Variants in WBP1L observed in about 807,000 individuals in gnomAD.
The protein encoded by WBP1L is WW domain binding protein 1 like, also known as WW domain binding protein 1-like.
WBP1L carries 17 observed loss-of-function variants against 33.7 expected under a neutral mutation model. That is an observed-to-expected ratio of 0.50 (90% CI 0.34 to 0.76). The LOEUF (loss-of-function observed/expected upper bound fraction) is 0.76, where lower values mean the gene tolerates loss of function less well. Ranked by LOEUF, WBP1L falls within the 30% of genes least tolerant of loss-of-function variation. WBP1L has a pLI of 0.01. For missense variants in WBP1L, 389 were observed against 469.4 expected (o/e 0.83, Z 1.58); for synonymous variants, 173 against 190.8 (o/e 0.91, Z 0.77).
At chr10:102,803,748 A>G (rs565981007) in intron 2 of WBP1L, among the ~76,000 whole-genome samples, 11 of 152,002 alleles carry the variant, frequency 7.2e-5, no homozygotes, top group African/African-American at 2.4e-4. Flanking sequence ...GGCTGGGACT[A>G]TAGGTGCCTG....
In WBP1L at chr10:102,797,988, T is replaced by C; in HGVS notation, c.91-5T>C. Reference sequence around the variant, plus strand: ...ATATGCTAACATGCTTTTTTAATTTTTTAGGATAAGGAAGCCTGTGTGGGT... The same window carrying C: ...ATATGCTAACATGCTTTTTTAATTTCTTAGGATAAGGAAGCCTGTGTGGGT... On this transcript the variant is annotated splice_region_variant and splice_polypyrimidine_tract_variant and intron_variant, in intron 1 of 3. Transcript: ENST00000448841. 1 of 1,613,266 alleles carries C rather than the reference T, an allele frequency of 6.2e-7. No homozygotes were observed.
chr10:102,792,064 A>G (rs569277953), intron 1 of WBP1L, among the ~76,000 whole-genome samples: 1 of 152,216 alleles, frequency 6.6e-6, no homozygotes, highest in South Asian at 2.1e-4. Flanking sequence ...AATTTTTTGC[A>G]TATGTGCAAA....
chr10:102,780,272 C>T (rs1752371861), intron 1 of WBP1L, among the ~76,000 whole-genome samples: 2 of 152,162 alleles, frequency 1.3e-5, no homozygotes, highest in Non-Finnish European at 2.9e-5. Context: ...AAGATAGTCA[C>T]CTGGTGAACT....
At position 102,812,929 on chromosome 10, in the gene WBP1L, G is replaced by A; in HGVS notation, c.690G>A (p.Gly230=). Residue 230 remains glycine, a synonymous_variant, in exon 4 of 4, where the codon GGG becomes GGA. Transcript: ENST00000448841. ...SVAGLGELDP[G]AFLDKDAECR... ...CTGGCCTGGGGGAGCTGGACCCGGGGGCCTTCCTGGACAAAGATGCAGAAT... is the reference window on the plus strand; with the variant it reads ...CTGGCCTGGGGGAGCTGGACCCGGGAGCCTTCCTGGACAAAGATGCAGAAT... 6.3e-7 allele frequency: 1 copy of A among 1,593,474 alleles called. No individual in the cohort carries two copies. Among genetic ancestry groups the A allele is most frequent in the South Asian group, 1.1e-5 (1 of 88,796 alleles).
intron 1 of WBP1L, chr10:102,776,136 C>T (rs576612413): frequency 3.2e-5 from 44 of 1,377,034 alleles, no homozygotes; most frequent in Middle Eastern, 2.8e-4. Context: ...CAGACAGCTT[C>T]GGCTTTGCTG....
At chr10:102,799,377 G>GCCATC (rs1843619503) in intron 2 of WBP1L, among the ~76,000 whole-genome samples, 1 of 152,026 alleles carries the variant, frequency 6.6e-6, no homozygotes, top group African/African-American at 2.4e-5. Context: ...CTTGCCACTG[G>GCCATC]TTTGACTGAA....
chr10:102,796,309 T>G (rs1376486639), intron 1 of WBP1L, among the ~76,000 whole-genome samples: 1 of 152,156 alleles, frequency 6.6e-6, no homozygotes, highest in East Asian at 1.9e-4. Flanking sequence ...CATATCAGAA[T>G]GTAAAGTTTT....
chr10:102,760,344 C>G (rs1322963928), intron 1 of WBP1L, among the ~76,000 whole-genome samples: 2 of 150,704 alleles, frequency 1.3e-5, no homozygotes, highest in Non-Finnish European at 2.9e-5. Flanking sequence ...CCTCTCTGAG[C>G]CTTCCTTGTT....
At chr10:102,798,130 G>A (rs1445746971) in intron 2 of WBP1L, 35 bp downstream of exon 2, 7 of 1,582,956 alleles carry the variant, frequency 4.4e-6, no homozygotes, top group Middle Eastern at 3.3e-4. Flanking sequence ...CAGTATCCCA[G>A]GGTCCCAGTT....
intron 1 of WBP1L, among the ~76,000 whole-genome samples, chr10:102,760,610 A>G (rs1179399153): frequency 6.6e-6 from 1 of 151,942 alleles, no homozygotes; most frequent in East Asian, 1.9e-4. Context: ...TCCTGAGCTC[A>G]GGTGATCGCC....
chr10:102,786,222 T>C (rs752162244), intron 1 of WBP1L, among the ~76,000 whole-genome samples: 16 of 152,226 alleles, frequency 1.1e-4, no homozygotes, highest in Non-Finnish European at 2.1e-4. Flanking sequence ...GTGTATGATC[T>C]ATTATATGTT....
chr10:102,750,261 A>G (rs888582528), intron 1 of WBP1L, among the ~76,000 whole-genome samples: 15 of 151,012 alleles, frequency 9.9e-5, no homozygotes, highest in African/African-American at 2.7e-4. Context: ...TAGAAAAATT[A>G]GCGTGCACCT....
At chr10:102,811,922 A>C (rs1843847449) in intron 3 of WBP1L, among the ~76,000 whole-genome samples, 1 of 152,258 alleles carries the variant, frequency 6.6e-6, no homozygotes, top group African/African-American at 2.4e-5. Flanking sequence ...TATCTGTGTC[A>C]TAAGGCATTC....
Position 102,744,059 on chromosome 10 carries a change from G to A in WBP1L, c.6G>A (p.Glu2=). The change falls in exon 1 of 4, where the codon GAG becomes GAA. Residue 2 remains glutamate (E), a synonymous_variant. Coordinates refer to ENST00000448841, the MANE Select transcript of WBP1L (RefSeq NM_001083913.2). M[E]RRRLLGGMAL... ...GGAGCAGGAGCAGGAGGGGGATGGA[G>A]AGGAGAAGGCTCCTGGGTGGCATGG... 1.9e-6 allele frequency: 3 copies of A among 1,551,404 alleles called. No individual in the cohort carries two copies. The highest frequency in any genetic ancestry group is 2.4e-5 in the East Asian group (1 of 40,888).
In WBP1L at chr10:102,810,069, G is replaced by C; in HGVS notation, c.355+15G>C. ...ATTTTATTTCAGTACGTACACCCAA[G>C]CCCCCATACCCACCCTCAGGAGCTC... is the stretch of plus-strand genomic sequence containing the variant. On this transcript the variant is annotated intron_variant, in intron 3 of 3. Coordinates refer to ENST00000448841, the MANE Select transcript of WBP1L (RefSeq NM_001083913.2). The C allele has an allele frequency of 6.3e-7, 1 of 1,598,272 alleles. No individual in the cohort carries two copies. The highest frequency in any genetic ancestry group is 8.5e-7 in the Non-Finnish European group (1 of 1,172,492).
At chr10:102,800,969 A>G (rs1316560191) in intron 2 of WBP1L, among the ~76,000 whole-genome samples, 2 of 152,174 alleles carry the variant, frequency 1.3e-5, no homozygotes, top group Admixed American at 6.5e-5. Context: ...GGCCTCCGGG[A>G]AAAAATGCCA....
chr10:102,812,631 A>T lies in WBP1L; in HGVS notation c.392A>T (p.Glu131Val). ...LPNYLLPPYE[E>V]VVNRPPTPPP... ...AACTATTTACTACCTCCTTATGAGG[A>T]AGTGGTGAACCGACCTCCAACTCCT... The change falls in exon 4 of 4, where the codon GAA becomes GTA. Residue 131 changes from glutamate to valine, a missense_variant. Coordinates refer to ENST00000448841, the MANE Select transcript of WBP1L (RefSeq NM_001083913.2). 6.3e-7 allele frequency: 1 copy of T among 1,598,456 alleles called. No homozygotes were observed. Among genetic ancestry groups the T allele is most frequent in the South Asian group, 1.1e-5 (1 of 89,168 alleles).
At chr10:102,777,943 T>A (rs1374837760) in intron 1 of WBP1L, among the ~76,000 whole-genome samples, 2 of 152,176 alleles carry the variant, frequency 1.3e-5, no homozygotes, top group Non-Finnish European at 2.9e-5. Context: ...AGGATGAAGC[T>A]GGATGAAGCG....
chr10:102,812,606 A>C lies in WBP1L; in HGVS notation c.367A>C (p.Asn123His), dbSNP rs770001345. The change falls in exon 4 of 4, where the codon AAC (asparagine) becomes CAC (histidine). Residue 123 changes from asparagine to histidine, a missense_variant. Physicochemically the swap from Asn to His is moderately conservative, Grantham distance 68 (BLOSUM62 1). Coordinates refer to ENST00000448841, the MANE Select transcript of WBP1L (RefSeq NM_001083913.2). ...ALPFYFRFLP[N>H]YLLPPYEEVV... is the part of the protein sequence containing the mutation. ...CCTCCCCATTTTAGGGTTTTTGCCA[A>C]ACTATTTACTACCTCCTTATGAGGA... The C allele has an allele frequency of 6.3e-7, 1 of 1,578,652 alleles. No individual in the cohort carries two copies. The highest frequency in any genetic ancestry group is 1.1e-5 in the South Asian group (1 of 87,402).
Sources: allele counts gnomAD v4.1 joint callset (sites outside exome capture counted in the v4.1 genomes callset), GRCh38; gene constraint gnomAD v4.1.1; transcripts MANE v1.5; gene names NCBI Gene and HGNC (gene_info 2026-07-23, HGNC 2026-07-21).